The following GSG1L variants were observed in gnomAD, a reference collection of about 807,000 sequenced individuals.
GSG1L encodes the protein GSG1 like.
A neutral mutation model predicts 42.1 loss-of-function variants in GSG1L; 24 were observed. The ratio of observed to expected loss-of-function variants is 0.57; its 90% CI spans 0.41 to 0.80. The LOEUF (loss-of-function observed/expected upper bound fraction) is 0.80, where lower values mean the gene tolerates loss of function less well. GSG1L is among the 30% of genes least tolerant of loss of function. GSG1L has a pLI of 0.00. For missense variants in GSG1L, 445 were observed against 472.2 expected, an observed-to-expected ratio of 0.94 and a Z score of 0.53; for synonymous variants, 215 against 203.5, an observed-to-expected ratio of 1.06 and a Z score of -0.48.
chr16:27,814,901 A>T (rs1398375580), intron 5 of GSG1L, among the ~76,000 whole-genome samples: 1 of 152,042 alleles, frequency 6.6e-6, no homozygotes, highest in African/African-American at 2.4e-5. Context: ...AGGAAACATT[A>T]TGCATTTTCT....
In GSG1L at chr16:28,059,070, C is replaced by T. The variant is rs536577008; in HGVS notation, c.349+4006G>A. Among the ~76,000 whole-genome samples, 90 of 152,172 alleles carry T rather than the reference C, an allele frequency of 5.9e-4. No individual in the cohort carries two copies. The highest frequency in any genetic ancestry group is 2.1e-3 in the African/African-American group (86 of 41,534). On this transcript the variant is annotated intron_variant, in intron 1 of 6. Coordinates refer to ENST00000447459, the MANE Select transcript of GSG1L (RefSeq NM_001109763.2). The surrounding 1 kb of genome is among the most constrained non-coding windows in gnomAD (Gnocchi z 4.4). ...CTGTGGGTGGCTCAGCCCAGGGTGG[C>T]GGCAACACCGAGGTGGTGCTCCCCA...
At chr16:27,940,689 T>A (rs1194038248) in intron 2 of GSG1L, among the ~76,000 whole-genome samples, 3 of 96,824 alleles carry the variant, frequency 3.1e-5, no homozygotes, top group South Asian at 3.6e-4. Flanking sequence ...AACATCACAC[T>A]CTGGGGACTG....
chr16:27,897,299 T>G (rs2084202959), intron 2 of GSG1L, among the ~76,000 whole-genome samples: 1 of 152,020 alleles, frequency 6.6e-6, no homozygotes, highest in Non-Finnish European at 1.5e-5. Flanking sequence ...ACACCTCCTT[T>G]TTTTCTTCTT....
At chr16:27,869,158 C>T (rs1179384179) in intron 3 of GSG1L, among the ~76,000 whole-genome samples, 1 of 151,880 alleles carries the variant, frequency 6.6e-6, no homozygotes, top group Non-Finnish European at 1.5e-5. Context: ...ATGGGCTCAG[C>T]TCTCCTCTGA....
intron 6 of GSG1L, among the ~76,000 whole-genome samples, chr16:27,795,019 G>A (rs755296): frequency 0.24 from 35,990 of 151,728 alleles, 4,494 homozygotes; most frequent in Admixed American, 0.35. Context: ...CTCTCTCCCC[G>A]AACTCATCAC....
rs1206113971 is a variant in GSG1L, at chr16:27,789,824, G to C, written c.*1546C>G. 7.1e-6 allele frequency: 1 copy of C among 140,564 alleles called. No homozygotes were observed. Among genetic ancestry groups the C allele is most frequent in the African/African-American group, 2.5e-5 (1 of 39,618 alleles). The allele number at this position is 140,564 out of a possible 1,614,324, so 8.7% of individuals were successfully genotyped here. On this transcript the variant is annotated 3_prime_UTR_variant, in exon 7 of 7. Coordinates refer to ENST00000447459, the MANE Select transcript of GSG1L (RefSeq NM_001109763.2). ...ATGGACAGATGATGGATGGATGGAT[G>C]GGTGGATGGATGGATGAAGGATGGA...
intron 1 of GSG1L, among the ~76,000 whole-genome samples, chr16:27,992,364 G>A (rs1016660481): frequency 5.3e-5 from 8 of 152,108 alleles, no homozygotes; most frequent in African/African-American, 1.4e-4. Flanking sequence ...GTGTGGTGGC[G>A]TGTGTCTGTA....
chr16:27,826,119 C>CCT, intron 5 of GSG1L, among the ~76,000 whole-genome samples: 1 of 152,206 alleles, frequency 6.6e-6, no homozygotes, highest in African/African-American at 2.4e-5. Flanking sequence ...TTAGGAGAGG[C>CCT]CTCACGGAAG....
intron 5 of GSG1L, among the ~76,000 whole-genome samples, chr16:27,816,807 G>A (rs563560199): frequency 1.3e-5 from 2 of 152,228 alleles, no homozygotes; most frequent in East Asian, 1.9e-4. Flanking sequence ...GAGCTAGAGC[G>A]AGTTTCCACG....
chr16:27,908,079 T>C (rs1012658804), intron 2 of GSG1L, among the ~76,000 whole-genome samples: 2 of 152,246 alleles, frequency 1.3e-5, no homozygotes, highest in Non-Finnish European at 2.9e-5. Context: ...AGCTCAGCCA[T>C]GGGACTTGCT....
chr16:27,935,473 C>T (rs1178697830), intron 2 of GSG1L, among the ~76,000 whole-genome samples: 1 of 151,502 alleles, frequency 6.6e-6, no homozygotes, highest in Non-Finnish European at 1.5e-5. Flanking sequence ...GACCACTTAG[C>T]GTTAGGCTCT....
chr16:27,857,295 G>A (rs1386973034), intron 3 of GSG1L, among the ~76,000 whole-genome samples: 1 of 151,908 alleles, frequency 6.6e-6, no homozygotes, highest in African/African-American at 2.4e-5. Context: ...GAGAGTGGTG[G>A]TGGGCACCTG....
chr16:28,051,196 A>AT (rs888910041), intron 1 of GSG1L, among the ~76,000 whole-genome samples: 9 of 152,160 alleles, frequency 5.9e-5, no homozygotes, highest in Non-Finnish European at 1.0e-4. Flanking sequence ...TGGAGTGGGC[A>AT]TTTTTTGAAT....
In GSG1L at chr16:27,881,239, T is replaced by TTA. The variant is rs1491535432; in HGVS notation, c.550+3246_550+3247insTA. Among the ~76,000 whole-genome samples the TTA allele has an allele frequency of 1.0e-3, 29 of 29,030 alleles. No homozygotes were observed. In the Admixed American group the frequency reaches 0.012, roughly 12 times the overall value. 19.0% of individuals were successfully genotyped at this position (29,030 alleles called of 152,430 possible). ...GTGGAAACTTTAATAAGTATCATAC[T>TTA]TTTTTTTTTTTTTTTTTTTTGAGAT... On this transcript the variant is annotated intron_variant, in intron 3 of 6. Coordinates refer to ENST00000447459, the MANE Select transcript of GSG1L (RefSeq NM_001109763.2).
intron 3 of GSG1L, among the ~76,000 whole-genome samples, chr16:27,846,938 C>T (rs1299498538): frequency 1.5e-5 from 2 of 130,126 alleles, no homozygotes; most frequent in South Asian, 2.5e-4. Context: ...GCCTGGGTGA[C>T]AGAGGGAGAC....
intron 4 of GSG1L, among the ~76,000 whole-genome samples, chr16:27,843,326 C>T (rs1195660061): frequency 6.6e-6 from 1 of 151,928 alleles, no homozygotes. Context: ...TTCCAGTCTC[C>T]CCCAGGGTCT....
chr16:28,022,921 C>T (rs2085860506), intron 1 of GSG1L, among the ~76,000 whole-genome samples: 1 of 152,164 alleles, frequency 6.6e-6, no homozygotes, highest in African/African-American at 2.4e-5. Flanking sequence ...CCGCCTGCCT[C>T]AGCCTCCCAA....
chr16:27,942,803 G>A (rs1442614102), intron 2 of GSG1L, among the ~76,000 whole-genome samples: 1 of 152,158 alleles, frequency 6.6e-6, no homozygotes, highest in East Asian at 1.9e-4. Flanking sequence ...AATTTTCATA[G>A]CCCACTAGTG....
At chr16:28,031,375 T>A (rs541243047) in intron 1 of GSG1L, among the ~76,000 whole-genome samples, 16 of 132,346 alleles carry the variant, frequency 1.2e-4, no homozygotes, top group African/African-American at 4.7e-4. Context: ...TGGGATGAGA[T>A]GGGATGGGAT....
Sources: allele counts gnomAD v4.1 joint callset (sites outside exome capture counted in the v4.1 genomes callset), GRCh38; gene constraint gnomAD v4.1.1; non-coding constraint Gnocchi (gnomAD v3.1); transcripts MANE v1.5; gene names NCBI Gene and HGNC (gene_info 2026-07-23, HGNC 2026-07-21).